The following PTPRG variants were observed in gnomAD, a reference collection of about 807,000 sequenced individuals.
PTPRG encodes protein tyrosine phosphatase receptor type G.
A neutral mutation model predicts 165.3 loss-of-function variants in PTPRG; 102 were observed. The ratio of observed to expected loss-of-function variants is 0.62; its 90% CI spans 0.53 to 0.73. The LOEUF is 0.73. Ranked by LOEUF, PTPRG falls within the 30% of genes least tolerant of loss-of-function variation. The probability of loss-of-function intolerance (pLI) is 0.00; values close to 1 mark genes in which losing one functional copy is unlikely to be tolerated. For synonymous variants in PTPRG, 675 were observed against 669.5 expected, an observed-to-expected ratio of 1.01 and a Z score of -0.13; for missense variants, 1,866 against 1,861.4, an observed-to-expected ratio of 1.00 and a Z score of -0.05.
At chr3:62,236,251 A>C (rs538988895) in intron 14 of PTPRG, among the ~76,000 whole-genome samples, 1 of 152,338 alleles carries the variant, frequency 6.6e-6, no homozygotes, top group Non-Finnish European at 1.5e-5. Context: ...GAAAAGCCCA[A>C]CAACGCCTAC....
chr3:61,953,019 T>C (rs10514719), intron 2 of PTPRG, among the ~76,000 whole-genome samples: 23,281 of 152,142 alleles, frequency 0.15, 2,389 homozygotes, highest in East Asian at 0.44. Flanking sequence ...TTCCAATAGG[T>C]CTCAGGATAC....
At chr3:62,110,745 C>T (rs971544580) in intron 5 of PTPRG, among the ~76,000 whole-genome samples, 3 of 152,132 alleles carry the variant, frequency 2.0e-5, no homozygotes, top group South Asian at 2.1e-4. Context: ...AGAGCATGAG[C>T]GTTCATTTGT....
chr3:61,973,991 G>A (rs9830902), intron 2 of PTPRG, among the ~76,000 whole-genome samples: 82,491 of 151,642 alleles, frequency 0.54, 23,225 homozygotes, highest in African/African-American at 0.7. Context: ...TTTTTTCATG[G>A]TATTAGTGAT....
At chr3:62,230,965 C>G (rs1435410102) in intron 13 of PTPRG, among the ~76,000 whole-genome samples, 1 of 152,138 alleles carries the variant, frequency 6.6e-6, no homozygotes, top group Non-Finnish European at 1.5e-5. Context: ...TCCATTAACA[C>G]CGGGGTAATA....
chr3:61,653,896 C>CG (rs61562709), intron 1 of PTPRG, among the ~76,000 whole-genome samples: 20 of 20,872 alleles, frequency 9.6e-4, no homozygotes, highest in South Asian at 2.0e-3. Flanking sequence ...AAGCGGGGAG[C>CG]GGTGGGGGGC....
chr3:61,824,055 C>T (rs1372864683), intron 2 of PTPRG, among the ~76,000 whole-genome samples: 4 of 151,838 alleles, frequency 2.6e-5, no homozygotes, highest in Admixed American at 6.6e-5. Context: ...ACCTGGGACG[C>T]GGAGCTTGCA....
chr3:61,882,201 G>A (rs929326913), intron 2 of PTPRG, among the ~76,000 whole-genome samples: 4 of 152,196 alleles, frequency 2.6e-5, no homozygotes, highest in African/African-American at 9.7e-5. Flanking sequence ...GAGTATTGGG[G>A]TAACTTATAA....
intron 2 of PTPRG, among the ~76,000 whole-genome samples, chr3:61,768,444 C>G (rs2034103485): frequency 1.3e-5 from 2 of 152,196 alleles, no homozygotes; most frequent in South Asian, 2.1e-4. Context: ...GTTGGAGTCT[C>G]TCTTTGCCAG....
intron 2 of PTPRG, among the ~76,000 whole-genome samples, chr3:61,986,038 A>T (rs1017788984): frequency 1.3e-5 from 2 of 150,956 alleles, no homozygotes; most frequent in African/African-American, 5.0e-5. Context: ...CTTAGCAAGA[A>T]GTCAGTAGAT....
intron 1 of PTPRG, among the ~76,000 whole-genome samples, chr3:61,665,573 C>A (rs1352626079): frequency 6.6e-6 from 1 of 151,482 alleles, no homozygotes; most frequent in African/African-American, 2.4e-5. Flanking sequence ...GCTTGTAATT[C>A]CTGCACTTTG....
chr3:62,268,570 T>G (rs1356170643), intron 19 of PTPRG, among the ~76,000 whole-genome samples: 1 of 152,094 alleles, frequency 6.6e-6, no homozygotes. Flanking sequence ...CACCACTGCT[T>G]CATGTTGTGG....
intron 2 of PTPRG, among the ~76,000 whole-genome samples, chr3:61,814,446 A>G (rs2035695263): frequency 6.6e-6 from 1 of 152,018 alleles, no homozygotes; most frequent in South Asian, 2.1e-4. Flanking sequence ...CTGCAGACCT[A>G]TGTCTAGTGG....
chr3:61,593,717 A>G (rs1700630037), intron 1 of PTPRG, among the ~76,000 whole-genome samples: 1 of 53,252 alleles, frequency 1.9e-5, no homozygotes, highest in Non-Finnish European at 5.4e-5. Context: ...GGAAAAAAAA[A>G]AAAAAAGAAG....
chr3:61,998,507 A>G (rs1402868807), intron 3 of PTPRG, among the ~76,000 whole-genome samples: 1 of 152,240 alleles, frequency 6.6e-6, no homozygotes, highest in Non-Finnish European at 1.5e-5. Flanking sequence ...AGGCACCAAG[A>G]AGTGCATTAA....
chr3:62,076,169 C>A (rs1280597755), intron 4 of PTPRG, among the ~76,000 whole-genome samples: 1 of 151,984 alleles, frequency 6.6e-6, no homozygotes, highest in Non-Finnish European at 1.5e-5. Flanking sequence ...TACCCGTAGT[C>A]CCAGCTGCTT....
At chr3:61,756,684 A>C (rs1006667670) in intron 2 of PTPRG, among the ~76,000 whole-genome samples, 1 of 152,216 alleles carries the variant, frequency 6.6e-6, no homozygotes, top group Admixed American at 6.5e-5. Context: ...ATATATTATC[A>C]GAGGACATGA....
At chr3:62,080,221 A>G (rs1256928807) in intron 5 of PTPRG, among the ~76,000 whole-genome samples, 1 of 148,806 alleles carries the variant, frequency 6.7e-6, no homozygotes, top group African/African-American at 2.6e-5. Flanking sequence ...GGCATGTGCT[A>G]CTATGCCCAG....
chr3:61,894,654 T>G (rs898461615), intron 2 of PTPRG, among the ~76,000 whole-genome samples: 4 of 151,918 alleles, frequency 2.6e-5, no homozygotes, highest in African/African-American at 9.7e-5. Context: ...TATTAGATAT[T>G]AAGTGTCAAA....
intron 1 of PTPRG, among the ~76,000 whole-genome samples, chr3:61,702,290 C>T (rs1378170372): frequency 7.2e-5 from 11 of 152,144 alleles, no homozygotes; most frequent in East Asian, 5.8e-4. Flanking sequence ...TGAATAGTAG[C>T]CTGTGTGCTT....
Sources: gnomAD v4.1 joint callset for allele counts (sites outside exome capture counted in the v4.1 genomes callset) on GRCh38, gnomAD v4.1.1 for gene constraint, MANE v1.5 for transcripts, NCBI Gene and HGNC (gene_info 2026-07-23, HGNC 2026-07-21) for gene names.